The following CA10 variants were observed in gnomAD, a reference collection of about 807,000 sequenced individuals.
The protein encoded by CA10 is carbonic anhydrase 10 (inactive).
In CA10, 14 loss-of-function variants were observed where a neutral mutation model predicts 44.2. The observed-to-expected ratio is 0.32, with a 90% CI of 0.21 to 0.50. CA10 has a LOEUF of 0.50. Ranked by LOEUF, CA10 falls within the 20% of genes least tolerant of loss-of-function variation. The pLI, the probability that CA10 is intolerant of heterozygous loss-of-function variation, is 0.99. For synonymous variants in CA10, 159 were observed against 141.6 expected (o/e 1.12, Z -0.87); for missense variants, 350 against 409.7 (o/e 0.85, Z 1.26).
intron 2 of CA10, among the ~76,000 whole-genome samples, chr17:51,948,266 G>C (rs987328711): frequency 2.6e-5 from 4 of 152,116 alleles, no homozygotes; most frequent in African/African-American, 9.7e-5. Flanking sequence ...GCTCATTCCT[G>C]CAGGCTCTGC....
At chr17:51,742,773 G>A (rs1449976761) in intron 4 of CA10, among the ~76,000 whole-genome samples, 1 of 152,198 alleles carries the variant, frequency 6.6e-6, no homozygotes, top group Middle Eastern at 3.2e-3. Context: ...TCTCTCAGAT[G>A]TGTTTTGAGC....
intron 2 of CA10, among the ~76,000 whole-genome samples, chr17:52,033,734 T>C (rs1479193010): frequency 3.3e-5 from 5 of 152,196 alleles, no homozygotes; most frequent in South Asian, 2.1e-4. Context: ...GTTTAATGTA[T>C]ACATTAAAAG....
At chr17:51,717,826 T>TAGATATAC (rs796143661) in intron 4 of CA10, among the ~76,000 whole-genome samples, 2 of 19,364 alleles carry the variant, frequency 1.0e-4, no homozygotes, top group Non-Finnish European at 2.0e-4. Context: ...TATATATGTG[T>TAGATATAC]GTGTATATAT....
intron 3 of CA10, among the ~76,000 whole-genome samples, chr17:51,790,428 C>T (rs1037462096): frequency 2.2e-4 from 33 of 152,220 alleles, no homozygotes; most frequent in Non-Finnish European, 4.6e-4. Flanking sequence ...GATTATACCT[C>T]TTGCATTTGG....
At position 51,737,904 on chromosome 17, in the gene CA10, T is replaced by C. The variant is rs1285760367; in HGVS notation, c.465+9729A>G. On this transcript the variant is annotated intron_variant, in intron 4 of 8. Transcript: ENST00000451037. Reference sequence around the variant, plus strand: ...GGGATAGATTTATAGAGGCTGACTGTGGCTGGTATTTGGGAATGGATAATC... The same window carrying C: ...GGGATAGATTTATAGAGGCTGACTGCGGCTGGTATTTGGGAATGGATAATC... 2.0e-5 allele frequency among the ~76,000 whole-genome samples: 3 copies of C among 152,204 alleles called. No individual in the cohort carries two copies. The East Asian group carries it at 5.8e-4, about 29-fold the overall frequency.
rs556520348 is a variant in CA10, at chr17:51,712,873, C to T, written c.465+34760G>A. ...GCCAAAAACAAAGTAACATTGCCTACGACCTTCCTTCCATAAAGGCAGGAG... is the reference window on the plus strand; with the variant it reads ...GCCAAAAACAAAGTAACATTGCCTATGACCTTCCTTCCATAAAGGCAGGAG... On this transcript the variant is annotated intron_variant, in intron 4 of 8. Transcript: ENST00000451037. Among the ~76,000 whole-genome samples, 12 of 152,330 alleles carry T rather than the reference C, an allele frequency of 7.9e-5. No homozygotes were observed. The South Asian group carries it at 8.3e-4, about 11-fold the overall frequency.
At chr17:51,761,505 G>A (rs552757191) in intron 3 of CA10, 1 of 152,266 alleles carries the variant, frequency 6.6e-6, no homozygotes, top group African/African-American at 2.4e-5. Flanking sequence ...TGACATAAAA[G>A]TGGGAAACCT....
chr17:51,984,308 A>G (rs1279839061), intron 2 of CA10, among the ~76,000 whole-genome samples: 1 of 151,912 alleles, frequency 6.6e-6, no homozygotes, highest in East Asian at 1.9e-4. Context: ...CTTTGAACTG[A>G]ACAAAAATAA....
chr17:52,042,116 T>C (rs1986785953), intron 2 of CA10, among the ~76,000 whole-genome samples: 1 of 152,060 alleles, frequency 6.6e-6, no homozygotes, highest in Non-Finnish European at 1.5e-5. Context: ...TACCCAGAAG[T>C]GAGACAGCAG....
chr17:51,888,027 G>GAAAACA (rs544545617), intron 3 of CA10, among the ~76,000 whole-genome samples: 2,697 of 151,586 alleles, frequency 0.018, 44 homozygotes, highest in South Asian at 0.061. Context: ...TCCATCTCAA[G>GAAAACA]AAAACAAAAA....
At chr17:51,931,937 A>G (rs1598124643) in intron 2 of CA10, among the ~76,000 whole-genome samples, 2 of 152,266 alleles carry the variant, frequency 1.3e-5, no homozygotes, top group East Asian at 3.9e-4. Context: ...ATATCAGTGA[A>G]GATCAAAACT....
intron 3 of CA10, among the ~76,000 whole-genome samples, chr17:51,798,993 A>G (rs1906822169): frequency 6.6e-6 from 1 of 152,166 alleles, no homozygotes; most frequent in South Asian, 2.1e-4. Flanking sequence ...CAGGGTGGGG[A>G]AACAGTGGGG....
At chr17:51,757,360 G>C (rs914808346) in intron 3 of CA10, among the ~76,000 whole-genome samples, 5 of 152,180 alleles carry the variant, frequency 3.3e-5, no homozygotes, top group African/African-American at 1.2e-4. Flanking sequence ...AGCAAACTTA[G>C]GGGCGTATGG....
chr17:52,002,935 T>TCAAAAG (rs1431642789), intron 2 of CA10, among the ~76,000 whole-genome samples: 3 of 152,020 alleles, frequency 2.0e-5, no homozygotes, highest in African/African-American at 7.2e-5. Flanking sequence ...TATGTCTGGC[T>TCAAAAG]ATAACCTTGA....
In CA10 at chr17:52,107,141, G is replaced by A. The variant is rs144811728; in HGVS notation, c.62-34748C>T. 5.2e-4 allele frequency among the ~76,000 whole-genome samples: 79 copies of A among 152,316 alleles called. 1 individual carries two copies. In the East Asian group the frequency reaches 0.013, roughly 26 times the overall value. On this transcript the variant is annotated intron_variant, in intron 1 of 8. Transcript: ENST00000451037. ...TCTATGAAAGGAGAAGGTTGAGGTA[G>A]GACAGGCACAAGGCCCCTTTTTAAT...
At chr17:52,115,867 G>A (rs2143299171) in intron 1 of CA10, among the ~76,000 whole-genome samples, 1 of 152,348 alleles carries the variant, frequency 6.6e-6, no homozygotes, top group Non-Finnish European at 1.5e-5. Flanking sequence ...GCCGAGGCAG[G>A]CAGATCACAA....
chr17:51,736,630 C>T (rs778473344), intron 4 of CA10, among the ~76,000 whole-genome samples: 1 of 152,128 alleles, frequency 6.6e-6, no homozygotes, highest in African/African-American at 2.4e-5. Context: ...GCAAATAGAT[C>T]CAAAGCAAGA....
intron 2 of CA10, among the ~76,000 whole-genome samples, chr17:52,038,312 C>T (rs955499001): frequency 3.3e-5 from 5 of 152,072 alleles, no homozygotes; most frequent in African/African-American, 4.8e-5. Flanking sequence ...GTAATTTTAT[C>T]GTCACATAAA....
intron 1 of CA10, among the ~76,000 whole-genome samples, chr17:52,135,267 C>T (rs1989330488): frequency 6.6e-6 from 1 of 152,144 alleles, no homozygotes; most frequent in Non-Finnish European, 1.5e-5. Flanking sequence ...ACTTTTGATA[C>T]CAACAAACCA....
Sources: allele counts gnomAD v4.1 joint callset (sites outside exome capture counted in the v4.1 genomes callset), GRCh38; gene constraint gnomAD v4.1.1; transcripts MANE v1.5; gene names NCBI Gene and HGNC (gene_info 2026-07-23, HGNC 2026-07-21).